The following MALT1 variants were observed in gnomAD, a reference collection of about 807,000 sequenced individuals.
MALT1 encodes the protein MALT1 paracaspase, also known as mucosa-associated lymphoid tissue lymphoma translocation protein 1.
In MALT1, 36 loss-of-function variants were observed where a neutral mutation model predicts 85.5. The observed-to-expected ratio is 0.42, with a 90% CI of 0.32 to 0.56. The LOEUF (loss-of-function observed/expected upper bound fraction) is 0.56, where lower values mean the gene tolerates loss of function less well. MALT1 is among the 20% of genes least tolerant of loss of function. The pLI is 0.10. For missense variants in MALT1, 716 were observed against 981.6 expected, an observed-to-expected ratio of 0.73 and a Z score of 3.62; for synonymous variants, 359 against 361.3, an observed-to-expected ratio of 0.99 and a Z score of 0.07.
At chr18:58,721,932 C>A (rs1043146154) in intron 9 of MALT1, among the ~76,000 whole-genome samples, 2 of 152,138 alleles carry the variant, frequency 1.3e-5, no homozygotes, top group African/African-American at 4.8e-5. Context: ...GGCTCTTCAG[C>A]CAGTTGGCTG....
intron 10 of MALT1, among the ~76,000 whole-genome samples, chr18:58,727,616 G>GGTTTTTTTTTTTTTTTT (rs1555688173): frequency 8.2e-6 from 1 of 121,264 alleles, no homozygotes; most frequent in African/African-American, 3.3e-5. Flanking sequence ...GGTTTTTTGT[G>GGTTTTTTTTTTTTTTTT]TTTTTTTTTT....
intron 10 of MALT1, among the ~76,000 whole-genome samples, chr18:58,728,141 T>C (rs1331882472): frequency 6.6e-6 from 1 of 152,204 alleles, no homozygotes; most frequent in Non-Finnish European, 1.5e-5. Flanking sequence ...TGAATCATCC[T>C]CCCAAGAAAT....
intron 1 of MALT1, chr18:58,672,149 C>G (rs967805554): frequency 7.1e-6 from 2 of 281,408 alleles, no homozygotes; most frequent in African/African-American, 2.2e-5. Context: ...AGGTTGACCC[C>G]GGAGGATAGT....
At chr18:58,738,669 CTTT>C (rs372637715) in intron 13 of MALT1, among the ~76,000 whole-genome samples, 1 of 152,140 alleles carries the variant, frequency 6.6e-6, no homozygotes, top group Non-Finnish European at 1.5e-5. Flanking sequence ...GATAGTCAGA[CTTT>C]TTTATTTTTG....
At chr18:58,690,051 T>C (rs1313843245) in intron 2 of MALT1, among the ~76,000 whole-genome samples, 1 of 152,264 alleles carries the variant, frequency 6.6e-6, no homozygotes, top group Non-Finnish European at 1.5e-5. Context: ...CTTCACTTTA[T>C]TGCACTTTGC....
intron 16 of MALT1, among the ~76,000 whole-genome samples, chr18:58,746,510 T>C (rs898265395): frequency 6.6e-6 from 1 of 152,204 alleles, no homozygotes; most frequent in Non-Finnish European, 1.5e-5. Context: ...GACCATAGAA[T>C]GTATCAGCTA....
At chr18:58,711,959 T>A (rs9946840) in intron 7 of MALT1, among the ~76,000 whole-genome samples, 17,976 of 152,152 alleles carry the variant, frequency 0.12, 1,625 homozygotes, top group African/African-American at 0.26. Flanking sequence ...TAATCCTTTT[T>A]GCCTAATTGC....
intron 10 of MALT1, among the ~76,000 whole-genome samples, chr18:58,730,825 C>T (rs766313667): frequency 6.6e-6 from 1 of 152,204 alleles, no homozygotes; most frequent in Non-Finnish European, 1.5e-5. Flanking sequence ...TGTAGCCATC[C>T]TGGTGAGTTT....
intron 1 of MALT1, among the ~76,000 whole-genome samples, chr18:58,678,456 C>CGT (rs143462636): frequency 5.9e-5 from 9 of 151,742 alleles, no homozygotes; most frequent in African/African-American, 9.7e-5. Flanking sequence ...TTTATGTCTG[C>CGT]GTGTGTGTGT....
chr18:58,741,958 G>C lies in MALT1; in HGVS notation c.1697G>C (p.Gly566Ala), dbSNP rs780792988. 1 of 1,564,100 alleles carries C rather than the reference G, an allele frequency of 6.4e-7. No individual in the cohort carries two copies. Among genetic ancestry groups the C allele is most frequent in the South Asian group, 1.2e-5 (1 of 84,330 alleles). The change falls in exon 14 of 17, where the codon GGA becomes GCA. Residue 566 changes from glycine (G) to alanine (A), a missense_variant. Physicochemically the swap from Gly to Ala is moderately conservative, Grantham distance 60. This residue lies in a region of MALT1 where 260 missense variants were observed against 323.7 expected (regional missense o/e 0.80). Transcript: ENST00000649217. ...EKRALTDPIQ[G>A]TEYSAESLVR... Reference sequence around the variant, plus strand: ...AGAGCACTTACTGATCCAATACAGGGAACAGAATATTCTGCTGAATCTCTT... The same window carrying C: ...AGAGCACTTACTGATCCAATACAGGCAACAGAATATTCTGCTGAATCTCTT...
rs189917515 is a variant in MALT1, at chr18:58,745,928, C to T, written c.2037+137C>T. The T allele has an allele frequency of 6.9e-4, 494 of 713,806 alleles. 3 individuals are homozygous for T. In the African/African-American group the frequency reaches 7.5e-3, roughly 11 times the overall value. The allele number at this position is 713,806 out of a possible 1,614,324, so 44.2% of individuals were successfully genotyped here. A position where few individuals can be genotyped will look rare whatever the true frequency, so the allele number is the denominator to read the frequency against. On this transcript the variant is annotated intron_variant, in intron 16 of 16. Transcript: ENST00000649217. ...TCTACAGAAGGTCCTATCAGTGACC[C>T]TTTTTATATTCTGTTTCCGATGGTG...
At chr18:58,731,382 T>C (rs1345978377) in intron 10 of MALT1, among the ~76,000 whole-genome samples, 2 of 152,264 alleles carry the variant, frequency 1.3e-5, no homozygotes, top group Non-Finnish European at 2.9e-5. Flanking sequence ...CTGATCTTCG[T>C]GGTTTATTGA....
At chr18:58,677,608 A>T (rs1022130202) in intron 1 of MALT1, 2 of 152,208 alleles carry the variant, frequency 1.3e-5, no homozygotes, top group Non-Finnish European at 2.9e-5. Context: ...CTGTCATCAT[A>T]GTCACCATTG....
At chr18:58,710,567 G>C (rs191226959) in intron 6 of MALT1, among the ~76,000 whole-genome samples, 1 of 152,086 alleles carries the variant, frequency 6.6e-6, no homozygotes, top group Non-Finnish European at 1.5e-5. Context: ...CATGCACTTG[G>C]TCCCAGCTAC....
Position 58,749,787 on chromosome 18 carries a change from TA to T in MALT1, c.*1949del. On this transcript the variant is annotated 3_prime_UTR_variant, in exon 17 of 17. Coordinates refer to ENST00000649217, the MANE Select transcript of MALT1 (RefSeq NM_006785.4). ...TAAAAACACTCAACAAACTTAGGAATAAAAGGAATCTTCCTAGATATGATAA... is the reference window on the plus strand; with the variant it reads ...TAAAAACACTCAACAAACTTAGGAATAAAGGAATCTTCCTAGATATGATAA... 1 of 214,054 alleles carries T rather than the reference TA, an allele frequency of 4.7e-6. No homozygotes were observed. Among genetic ancestry groups the T allele is most frequent in the African/African-American group, 2.2e-5 (1 of 44,470 alleles). 13.3% of individuals were successfully genotyped at this position (214,054 alleles called of 1,614,324 possible).
intron 1 of MALT1, 56 bp downstream of exon 1, chr18:58,671,908 T>C: frequency 9.6e-7 from 1 of 1,040,106 alleles, no homozygotes; most frequent in Non-Finnish European, 1.2e-6. Context: ...TGGGCTGCGG[T>C]GGGGAGGTGG....
At chr18:58,729,854 T>G (rs967898035) in intron 10 of MALT1, among the ~76,000 whole-genome samples, 4 of 152,176 alleles carry the variant, frequency 2.6e-5, no homozygotes, top group African/African-American at 7.2e-5. Context: ...TAAGTAGACA[T>G]AGGACTATAG....
intron 7 of MALT1, among the ~76,000 whole-genome samples, chr18:58,711,487 A>T (rs1445914325): frequency 6.6e-6 from 1 of 152,214 alleles, no homozygotes; most frequent in Non-Finnish European, 1.5e-5. Flanking sequence ...ACAGGACTCT[A>T]GATAATCTAC....
intron 12 of MALT1, 76 bp downstream of exon 12, chr18:58,734,457 G>C: frequency 3.5e-6 from 4 of 1,134,740 alleles, no homozygotes; most frequent in South Asian, 2.5e-5. Flanking sequence ...TTAGGAGCAG[G>C]GGTCTTAACT....
Sources: allele counts gnomAD v4.1 joint callset (sites outside exome capture counted in the v4.1 genomes callset), GRCh38; gene constraint gnomAD v4.1.1; regional missense constraint gnomAD v4.1.1; transcripts MANE v1.5; gene names NCBI Gene and HGNC (gene_info 2026-07-23, HGNC 2026-07-21).